NDUFAF2: variants seen among roughly 807,000 people sequenced by gnomAD.
NDUFAF2 encodes NADH dehydrogenase [ubiquinone] 1 alpha subcomplex assembly factor 2.
NDUFAF2 carries 13 observed loss-of-function variants against 22.8 expected under a neutral mutation model. That is an observed-to-expected ratio of 0.57 (90% CI 0.37 to 0.91). The LOEUF is 0.91. Ranked by LOEUF, NDUFAF2 falls within the 40% of genes least tolerant of loss-of-function variation. NDUFAF2 has a pLI of 0.01. For synonymous variants in NDUFAF2, 53 were observed against 64.2 expected, an observed-to-expected ratio of 0.83 and a Z score of 0.84; for missense variants, 162 against 195.2, an observed-to-expected ratio of 0.83 and a Z score of 1.01.
intron 1 of NDUFAF2, among the ~76,000 whole-genome samples, chr5:60,975,746 G>A (rs1170664288): frequency 6.6e-6 from 1 of 152,162 alleles, no homozygotes; most frequent in Non-Finnish European, 1.5e-5. Flanking sequence ...AAAAAAGAAT[G>A]AGCCATAAAG....
At chr5:61,032,185 A>C (rs1482663637) in intron 1 of NDUFAF2, among the ~76,000 whole-genome samples, 1 of 152,128 alleles carries the variant, frequency 6.6e-6, no homozygotes, top group South Asian at 2.1e-4. Flanking sequence ...TTGCCTGTTC[A>C]TGCTGATGAT....
At chr5:61,147,276 TCTCA>T (rs1419766922) in intron 3 of NDUFAF2, among the ~76,000 whole-genome samples, 1 of 151,442 alleles carries the variant, frequency 6.6e-6, no homozygotes, top group African/African-American at 2.4e-5. Context: ...TGAGACAGGG[TCTCA>T]CTCTGTTGCC....
At chr5:61,096,888 C>T (rs190316501) in intron 2 of NDUFAF2, among the ~76,000 whole-genome samples, 7 of 152,054 alleles carry the variant, frequency 4.6e-5, no homozygotes, top group Middle Eastern at 3.4e-3. Flanking sequence ...CACTTGAATC[C>T]GGGAGACAGA....
intron 2 of NDUFAF2, among the ~76,000 whole-genome samples, chr5:61,085,467 CT>C (rs1477064502): frequency 6.6e-6 from 1 of 152,256 alleles, no homozygotes; most frequent in African/African-American, 2.4e-5. Context: ...AGGCAGAACA[CT>C]TTCCCCCTAA....
At chr5:61,028,737 G>A (rs1751687722) in intron 1 of NDUFAF2, among the ~76,000 whole-genome samples, 1 of 152,068 alleles carries the variant, frequency 6.6e-6, no homozygotes, top group Non-Finnish European at 1.5e-5. Flanking sequence ...CTATGGCAAA[G>A]AATATGTGTA....
At chr5:61,008,169 G>C (rs1003016180) in intron 1 of NDUFAF2, among the ~76,000 whole-genome samples, 1 of 118,724 alleles carries the variant, frequency 8.4e-6, no homozygotes, top group African/African-American at 3.2e-5. Context: ...GGGGGAGGGG[G>C]GAGGGATAGC....
At chr5:61,046,876 A>G (rs1751960369) in intron 1 of NDUFAF2, among the ~76,000 whole-genome samples, 1 of 152,198 alleles carries the variant, frequency 6.6e-6, no homozygotes, top group African/African-American at 2.4e-5. Context: ...CATGCTTGGA[A>G]AGTTAATAGT....
intron 1 of NDUFAF2, among the ~76,000 whole-genome samples, chr5:61,068,872 AT>A (rs1752261279): frequency 6.6e-6 from 1 of 152,152 alleles, no homozygotes; most frequent in Non-Finnish European, 1.5e-5. Flanking sequence ...CTGGCAACAT[AT>A]CTTAGTGGTT....
Position 60,960,687 on chromosome 5 carries a change from T to C in NDUFAF2, c.127+15305T>C, listed in dbSNP as rs183326977. On this transcript the variant is annotated intron_variant, in intron 1 of 3. Coordinates refer to ENST00000296597, the MANE Select transcript of NDUFAF2 (RefSeq NM_174889.5). ...AGACTTCACTGTTTGATTGTTTGAA[T>C]AAATTTCCATTCTTATAAAATGAAT... Among the ~76,000 whole-genome samples the C allele has an allele frequency of 2.0e-5, 3 of 152,350 alleles. No homozygotes were observed. In the East Asian group the frequency reaches 5.8e-4, roughly 29 times the overall value.
At chr5:61,141,153 G>A (rs1013501425) in intron 3 of NDUFAF2, among the ~76,000 whole-genome samples, 3 of 151,926 alleles carry the variant, frequency 2.0e-5, no homozygotes, top group Admixed American at 1.3e-4. Flanking sequence ...CTTGAACCTG[G>A]GAGGCGGAGG....
At chr5:61,085,382 A>G (rs959282045) in intron 2 of NDUFAF2, among the ~76,000 whole-genome samples, 3 of 152,138 alleles carry the variant, frequency 2.0e-5, no homozygotes, top group Non-Finnish European at 4.4e-5. Context: ...TAAAATAGAA[A>G]AGAAGCGCCT....
At chr5:60,955,102 T>C (rs1027097678) in intron 1 of NDUFAF2, among the ~76,000 whole-genome samples, 1 of 152,212 alleles carries the variant, frequency 6.6e-6, no homozygotes, top group Non-Finnish European at 1.5e-5. Context: ...TTTGCTTTTG[T>C]TGTTTTGTGC....
chr5:61,006,468 A>G (rs1384978251), intron 1 of NDUFAF2, among the ~76,000 whole-genome samples: 6 of 152,102 alleles, frequency 3.9e-5, no homozygotes, highest in Non-Finnish European at 8.8e-5. Flanking sequence ...GTTTTTTCCA[A>G]TTCTGTAAAG....
chr5:61,047,731 A>G (rs1751971432), intron 1 of NDUFAF2, among the ~76,000 whole-genome samples: 1 of 152,180 alleles, frequency 6.6e-6, no homozygotes, highest in Non-Finnish European at 1.5e-5. Flanking sequence ...GAATCAACCC[A>G]GCTATTTCCA....
chr5:61,041,958 A>G (rs1331276136), intron 1 of NDUFAF2, among the ~76,000 whole-genome samples: 1 of 152,192 alleles, frequency 6.6e-6, no homozygotes, highest in East Asian at 1.9e-4. Flanking sequence ...AGTTTTCCTG[A>G]CATATCATGT....
chr5:61,134,092 T>C (rs775656590), intron 3 of NDUFAF2, among the ~76,000 whole-genome samples: 3 of 152,164 alleles, frequency 2.0e-5, no homozygotes, highest in Non-Finnish European at 4.4e-5. Flanking sequence ...TGGAGTCCTA[T>C]GAGGCTAAAA....
intron 1 of NDUFAF2, among the ~76,000 whole-genome samples, chr5:60,961,211 G>C (rs544800326): frequency 6.6e-6 from 1 of 152,266 alleles, no homozygotes; most frequent in South Asian, 2.1e-4. Context: ...TGTAATCCTA[G>C]CACTTTGGGA....
At chr5:61,109,690 A>G (rs900061150) in intron 3 of NDUFAF2, among the ~76,000 whole-genome samples, 2 of 152,170 alleles carry the variant, frequency 1.3e-5, no homozygotes, top group Admixed American at 1.3e-4. Context: ...TGTTCTCATG[A>G]TAGTGAGTAA....
intron 3 of NDUFAF2, among the ~76,000 whole-genome samples, chr5:61,122,752 A>G (rs1225508447): frequency 6.6e-6 from 1 of 152,220 alleles, no homozygotes; most frequent in Non-Finnish European, 1.5e-5. Context: ...AGAGACAAGC[A>G]TATAAAAGTC....
Sources: gnomAD v4.1 joint callset for allele counts (sites outside exome capture counted in the v4.1 genomes callset) on GRCh38, gnomAD v4.1.1 for gene constraint, MANE v1.5 for transcripts, NCBI Gene and HGNC (gene_info 2026-07-23, HGNC 2026-07-21) for gene names.